The following NELL1 variants were observed in gnomAD, a reference collection of about 807,000 sequenced individuals.
The protein encoded by NELL1 is neural EGFL like 1.
Under a neutral mutation model 107.4 loss-of-function variants are expected in NELL1, and 76 were observed. The observed-to-expected ratio is 0.71, with a 90% CI of 0.59 to 0.86. NELL1 has a LOEUF of 0.86. NELL1 is among the 40% of genes least tolerant of loss of function. The pLI is 0.00. For missense variants in NELL1, 1,024 were observed against 1,005.5 expected, an observed-to-expected ratio of 1.02 and a Z score of -0.25; for synonymous variants, 353 against 341.2, an observed-to-expected ratio of 1.03 and a Z score of -0.38.
chr11:21,309,311 T>TATATATATAA (rs1489017623), intron 14 of NELL1, among the ~76,000 whole-genome samples: 1 of 136,406 alleles, frequency 7.3e-6, no homozygotes, highest in Non-Finnish European at 1.5e-5. Flanking sequence ...TATATATATA[T>TATATATATAA]AATATATATA....
intron 12 of NELL1, among the ~76,000 whole-genome samples, chr11:21,049,582 G>A (rs556383577): frequency 6.6e-6 from 1 of 152,234 alleles, no homozygotes; most frequent in East Asian, 1.9e-4. Context: ...GATTAAATGT[G>A]TGGAACTGCA....
At position 20,723,732 on chromosome 11, in the gene NELL1, T is replaced by TGGG. The variant is rs35926954; in HGVS notation, c.184+45679_184+45681dup. ...AGGCAGTGCCCCAGTGGGGACTCTG[T>TGGG]GGGGGGGGGCTCCAACCCCACATTT... On this transcript the variant is annotated intron_variant, in intron 2 of 19. Coordinates refer to ENST00000357134, the MANE Select transcript of NELL1 (RefSeq NM_006157.5). Among the ~76,000 whole-genome samples, 528 of 150,660 alleles carry TGGG rather than the reference T, an allele frequency of 3.5e-3. 4 individuals carry two copies. Among genetic ancestry groups the TGGG allele is most frequent in the African/African-American group, 0.012 (513 of 41,144 alleles).
intron 15 of NELL1, among the ~76,000 whole-genome samples, chr11:21,421,645 T>C (rs1410362256): frequency 8.1e-6 from 1 of 123,052 alleles, no homozygotes; most frequent in Admixed American, 8.0e-5. Context: ...CTAAAACAAC[T>C]TCCAGGAGAT....
chr11:21,521,081 CA>C (rs146822720), intron 15 of NELL1, among the ~76,000 whole-genome samples: 3,231 of 152,308 alleles, frequency 0.021, 116 homozygotes, highest in African/African-American at 0.074. Flanking sequence ...TGGTTTCTTA[CA>C]GATCTAAAGT....
chr11:21,052,108 G>A (rs1302529719), intron 12 of NELL1, among the ~76,000 whole-genome samples: 1 of 151,946 alleles, frequency 6.6e-6, no homozygotes, highest in Non-Finnish European at 1.5e-5. Flanking sequence ...ATCTGGAGAA[G>A]GGTGTTTCAG....
intron 2 of NELL1, chr11:20,769,733 G>C (rs1856604119): frequency 6.6e-6 from 1 of 152,654 alleles, no homozygotes; most frequent in African/African-American, 2.4e-5. Flanking sequence ...AACTCTGGGA[G>C]GGAGAAGGGT....
chr11:21,224,981 C>T (rs568743224), intron 13 of NELL1, among the ~76,000 whole-genome samples: 12 of 152,250 alleles, frequency 7.9e-5, no homozygotes, highest in African/African-American at 2.2e-4. Context: ...TGTGTGTTGG[C>T]TCCCTCTGTC....
At chr11:20,843,353 A>T (rs1310409304) in intron 3 of NELL1, among the ~76,000 whole-genome samples, 1 of 152,128 alleles carries the variant, frequency 6.6e-6, no homozygotes, top group African/African-American at 2.4e-5. Context: ...TTTGGGTGTG[A>T]TATATTTCTC....
chr11:21,185,646 C>T (rs1856920475), intron 13 of NELL1, among the ~76,000 whole-genome samples: 1 of 151,602 alleles, frequency 6.6e-6, no homozygotes, highest in Non-Finnish European at 1.5e-5. Context: ...CTTCCTAAGC[C>T]TCGGTTTTAG....
chr11:20,785,669 TG>T (rs2133984507), intron 3 of NELL1, among the ~76,000 whole-genome samples: 1 of 152,344 alleles, frequency 6.6e-6, no homozygotes, highest in South Asian at 2.1e-4. Flanking sequence ...TGATGGAGGC[TG>T]GAGTTCCAGT....
intron 12 of NELL1, among the ~76,000 whole-genome samples, chr11:21,046,214 G>A (rs1310435624): frequency 1.3e-5 from 2 of 152,146 alleles, no homozygotes; most frequent in Non-Finnish European, 2.9e-5. Context: ...ATAATAAGAA[G>A]AATATTTCTA....
intron 11 of NELL1, among the ~76,000 whole-genome samples, chr11:20,952,711 T>C (rs1851093306): frequency 6.6e-6 from 1 of 152,166 alleles, no homozygotes; most frequent in Non-Finnish European, 1.5e-5. Flanking sequence ...GAGGATAGTC[T>C]TAGTGAGTAA....
chr11:20,763,884 T>G (rs1388921451), intron 2 of NELL1, among the ~76,000 whole-genome samples: 1 of 152,074 alleles, frequency 6.6e-6, no homozygotes, highest in African/African-American at 2.4e-5. Context: ...AAGTTAGAGA[T>G]GTGCTGGGGA....
At chr11:21,369,158 CCTT>C (rs1260141377) in intron 14 of NELL1, among the ~76,000 whole-genome samples, 3 of 152,040 alleles carry the variant, frequency 2.0e-5, no homozygotes, top group African/African-American at 7.2e-5. Flanking sequence ...TCAAGCCCTG[CCTT>C]CTTTTGGTGC....
In NELL1 at chr11:20,669,955, C is replaced by T. The variant is rs982104293; in HGVS notation, c.55+177C>T. ...GTGACAGGGTGAAAATAGGGACTCA[C>T]GGGCTTGAAGATGTCCCCGTTGAGT... On this transcript the variant is annotated intron_variant, in intron 1 of 19. Coordinates refer to ENST00000357134, the MANE Select transcript of NELL1 (RefSeq NM_006157.5). The surrounding 1 kb of genome is among the most constrained non-coding windows in gnomAD (Gnocchi z 4.4). Among the ~76,000 whole-genome samples, 1 of 152,146 alleles carries T rather than the reference C, an allele frequency of 6.6e-6. No homozygotes were observed. Among genetic ancestry groups the T allele is most frequent in the African/African-American group, 2.4e-5 (1 of 41,454 alleles).
At chr11:20,937,598 A>G (rs1301340178) in intron 9 of NELL1, among the ~76,000 whole-genome samples, 188 bp from the exon 10 acceptor site, 2 of 152,240 alleles carry the variant, frequency 1.3e-5, no homozygotes, top group African/African-American at 4.8e-5. Context: ...CACAATCATG[A>G]TGAGGTCTGC....
At chr11:21,054,143 C>T (rs1853561214) in intron 12 of NELL1, among the ~76,000 whole-genome samples, 1 of 152,074 alleles carries the variant, frequency 6.6e-6, no homozygotes, top group African/African-American at 2.4e-5. Context: ...TTGATTTGAA[C>T]TCTTCCAATT....
intron 2 of NELL1, among the ~76,000 whole-genome samples, chr11:20,689,070 T>C (rs1004660900): frequency 6.6e-6 from 1 of 152,132 alleles, no homozygotes; most frequent in East Asian, 1.9e-4. Context: ...ATGTCTTCTT[T>C]CTTCTTTTGA....
chr11:21,417,531 T>C (rs1852548638), intron 15 of NELL1, among the ~76,000 whole-genome samples: 1 of 152,092 alleles, frequency 6.6e-6, no homozygotes, highest in East Asian at 1.9e-4. Context: ...TGGGTTTTTT[T>C]CCTTTTTACT....
Sources: gnomAD v4.1 joint callset for allele counts (sites outside exome capture counted in the v4.1 genomes callset) on GRCh38, gnomAD v4.1.1 for gene constraint, Gnocchi (gnomAD v3.1) non-coding constraint, MANE v1.5 for transcripts, NCBI Gene and HGNC (gene_info 2026-07-23, HGNC 2026-07-21) for gene names.